LRP2: variants seen among roughly 807,000 people sequenced by gnomAD.
LRP2 encodes the protein low-density lipoprotein receptor-related protein 2.
Under a neutral mutation model 531.0 loss-of-function variants are expected in LRP2, and 172 were observed. The ratio of observed to expected loss-of-function variants is 0.32; its 90% CI spans 0.29 to 0.37. The LOEUF is 0.37. LRP2 is among the 10% of genes least tolerant of loss of function. The probability of loss-of-function intolerance (pLI) is 1.00; values close to 1 mark genes in which losing one functional copy is unlikely to be tolerated. For missense variants in LRP2, 5,167 were observed against 5,868.3 expected, an observed-to-expected ratio of 0.88 and a Z score of 3.90; for synonymous variants, 1,992 against 2,027.6, an observed-to-expected ratio of 0.98 and a Z score of 0.47.
Position 169,152,923 on chromosome 2 carries a change from C to A in LRP2, c.12337G>T (p.Gly4113Cys). 1 of 1,614,010 alleles carries A rather than the reference C, an allele frequency of 6.2e-7. No homozygotes were observed. The highest frequency in any genetic ancestry group is 8.5e-7 in the Non-Finnish European group (1 of 1,179,948). ...GGGATGTAGGCACGTTTGATAGCAC[C>A]AAACCTAGAGCCCTCCCCTCGCACA... Reference protein sequence around the residue: ...YTVRGEGSRFGAIKRAYIPNF... With the variant: ...YTVRGEGSRFCAIKRAYIPNF... Residue 4113 changes from glycine to cysteine, a missense_variant, in exon 67 of 79, where the codon GGT (glycine) becomes TGT (cysteine). Transcript: ENST00000649046.
Position 169,236,056 on chromosome 2 carries a change from C to G in LRP2, c.4704G>C (p.Leu1568=), listed in dbSNP as rs754389964. The G allele has an allele frequency of 3.1e-6, 5 of 1,613,470 alleles. No homozygotes were observed. In the African/African-American group the frequency reaches 4.0e-5, roughly 13 times the overall value. Residue 1568 remains leucine (L), a synonymous_variant, in exon 29 of 79, where the codon CTG becomes CTC. Coordinates refer to ENST00000649046, the MANE Select transcript of LRP2 (RefSeq NM_004525.3). The part of the protein sequence containing the change: ...ALDPRMNEHL[L]FWSDWGHHPR... ...GGTGGTGGCCCCAGTCAGACCAGAA[C>G]AGTAGATGCTCACTGGGAAAGGAAA...
At chr2:169,176,694 A>C in intron 53 of LRP2, 106 bp from the exon 54 acceptor site, 1 of 952,766 alleles carries the variant, frequency 1.0e-6, no homozygotes, top group Non-Finnish European at 1.7e-6. Flanking sequence ...TCTTAGTAAA[A>C]AAAAAACTAT....
Position 169,173,113 on chromosome 2 carries a change from C to T in LRP2, c.11126G>A (p.Ser3709Asn), listed in dbSNP as rs1314969154. 1.9e-6 allele frequency: 3 copies of T among 1,613,984 alleles called. No individual in the cohort carries two copies. In the African/African-American group the frequency reaches 4.0e-5, roughly 22 times the overall value. ...CNGVDDCRDN[S>N]DEQGCEERTC... ...CCTCCTACCACAGCCTTGCTCATCA[C>T]TGTTGTCCCTGCAGTCATCTACACC... The change falls in exon 57 of 79, where the codon AGT (serine) becomes AAT (asparagine). Residue 3709 changes from serine to asparagine, a missense_variant. Around this residue, in one of 6 missense-constraint regions of LRP2, gnomAD observed 311 missense variants for 309.4 expected, o/e 1.01. Transcript: ENST00000649046.
At position 169,185,698 on chromosome 2, in the gene LRP2, T is replaced by C. The variant is rs143150497; in HGVS notation, c.9650A>G (p.Tyr3217Cys). The C allele has an allele frequency of 1.2e-3, 1,885 of 1,614,026 alleles. 1 individual carries two copies. The highest frequency in any genetic ancestry group is 1.5e-3 in the Non-Finnish European group (1,787 of 1,179,986). Residue 3217 changes from tyrosine to cysteine, a missense_variant, in exon 50 of 79, where the codon TAT (tyrosine) becomes TGT (cysteine). By Grantham distance (194) the Tyr-to-Cys change is radical (BLOSUM62 -2). Around this residue, in one of 6 missense-constraint regions of LRP2, gnomAD observed 1,129 missense variants for 1,362.7 expected, o/e 0.83. Coordinates refer to ENST00000649046, the MANE Select transcript of LRP2 (RefSeq NM_004525.3). The part of the protein sequence containing the change: ...YYLRNLTIDG[Y>C]FYSLILEGLD... The stretch of plus-strand genomic sequence containing the variant: ...TCCTTCCAAGATGAGGGAGTAAAAA[T>C]AGCCATCTATAGTTAAATTTCTCAA...
At position 169,168,018 on chromosome 2, in the gene LRP2, AATATATATATAT is replaced by A. The variant is rs4001548; in HGVS notation, c.11635+509_11635+520del. ...AGACTCACAAACAAGCAGGGTTTAA[AATATATATATAT>A]ATATATATATATATATGCATCATTC... On this transcript the variant is annotated intron_variant, in intron 61 of 78. Coordinates refer to ENST00000649046, the MANE Select transcript of LRP2 (RefSeq NM_004525.3). Among the ~76,000 whole-genome samples the A allele has an allele frequency of 4.3e-4, 29 of 68,180 alleles. 2 individuals are homozygous for A. The highest frequency in any genetic ancestry group is 2.6e-3 in the Admixed American group (13 of 5,058). 44.7% of individuals were successfully genotyped at this position (68,180 alleles called of 152,430 possible). A position where few individuals can be genotyped will look rare whatever the true frequency, so the allele number is the denominator to read the frequency against.
In LRP2 at chr2:169,231,820, G is replaced by A; in HGVS notation, c.5121C>T (p.Ser1707=). The A allele has an allele frequency of 1.2e-6, 2 of 1,613,976 alleles. No individual in the cohort carries two copies. Among genetic ancestry groups the A allele is most frequent in the South Asian group, 1.1e-5 (1 of 91,066 alleles). Residue 1707 remains serine, a synonymous_variant, in exon 31 of 79, where the codon TCC becomes TCT. Transcript: ENST00000649046. ...QPNSVNPCAF[S]RCSHLCLLSS... ...AAAGCAGGCAGAGATGGCTGCAGCG[G>A]GAAAAGGCACATGGATTCACGGCTG...
intron 63 of LRP2, among the ~76,000 whole-genome samples, chr2:169,157,850 T>C (rs1486661576): frequency 6.6e-6 from 1 of 150,964 alleles, no homozygotes; most frequent in Non-Finnish European, 1.5e-5. Flanking sequence ...TTTAATCCTA[T>C]TGCAAATAGA....
chr2:169,172,987 A>G, intron 57 of LRP2, 109 bp downstream of exon 57: 1 of 1,456,184 alleles, frequency 6.9e-7, no homozygotes, highest in Non-Finnish European at 9.6e-7. Flanking sequence ...ACAGAGGTAA[A>G]CAAAGAAAAG....
Position 169,128,729 on chromosome 2 carries a change from G to C in LRP2, c.13902C>G (p.Thr4634=), listed in dbSNP as rs112043518. 2.8e-4 allele frequency: 456 copies of C among 1,614,112 alleles called. 3 individuals are homozygous for C. In the African/African-American group the frequency reaches 5.2e-3, roughly 18 times the overall value. ...TAAAAGTGTCTTCTGTTGCAGAATAGGTTGGAGTTGGGTCTCTTCTCGAAG... is the reference window on the plus strand; with the variant it reads ...TAAAAGTGTCTTCTGTTGCAGAATACGTTGGAGTTGGGTCTCTTCTCGAAG... The part of the protein sequence containing the change: ...KPPSRRDPTP[T]YSATEDTFKD... Residue 4634 remains threonine (T), a synonymous_variant, in exon 79 of 79, where the codon ACC becomes ACG. Coordinates refer to ENST00000649046, the MANE Select transcript of LRP2 (RefSeq NM_004525.3).
At chr2:169,152,119 A>T (rs929357344) in intron 67 of LRP2, among the ~76,000 whole-genome samples, 4 of 152,160 alleles carry the variant, frequency 2.6e-5, no homozygotes, top group Non-Finnish European at 5.9e-5. Context: ...ACTTCTCCAC[A>T]TCCATTTGTA....
intron 72 of LRP2, among the ~76,000 whole-genome samples, 183 bp downstream of exon 72, chr2:169,140,272 T>G (rs1358954031): frequency 2.0e-5 from 3 of 152,220 alleles, no homozygotes; most frequent in African/African-American, 7.2e-5. Context: ...CTTATGCACA[T>G]TCTAGTTAAA....
At position 169,220,507 on chromosome 2, in the gene LRP2, C is replaced by T. The variant is rs756054320; in HGVS notation, c.5595G>A (p.Gly1865=). ...TTGGAAAGCCAACTCCAAGAGCTGT[C>T]CCATCATTGGCAATCAATGTTTTTC... ...RYRKTLIAND[G]TALGVGFPIG... Residue 1865 remains glycine, a synonymous_variant, in exon 34 of 79, where the codon GGG becomes GGA. Coordinates refer to ENST00000649046, the MANE Select transcript of LRP2 (RefSeq NM_004525.3). 6.2e-7 allele frequency: 1 copy of T among 1,613,586 alleles called. No individual in the cohort carries two copies.
Position 169,207,046 on chromosome 2 carries a change from C to G in LRP2, c.6674G>C (p.Arg2225Pro). The G allele has an allele frequency of 1.9e-6, 3 of 1,614,154 alleles. No homozygotes were observed. In the South Asian group the frequency reaches 3.3e-5, roughly 18 times the overall value. ...IERSFLDCTN[R>P]TVLVSEGIVT... ...AATGCCCTCTGACACAAGCACTGTTCGATTGGTACAGTCAAGGAAAGAACG... is the reference window on the plus strand; with the variant it reads ...AATGCCCTCTGACACAAGCACTGTTGGATTGGTACAGTCAAGGAAAGAACG... Residue 2225 changes from arginine to proline, a missense_variant, in exon 39 of 79, where the codon CGA becomes CCA. Physicochemically the swap from Arg to Pro is moderately radical, Grantham distance 103. Coordinates refer to ENST00000649046, the MANE Select transcript of LRP2 (RefSeq NM_004525.3).
At position 169,170,526 on chromosome 2, in the gene LRP2, G is replaced by C. The variant is rs1404251446; in HGVS notation, c.11380+25C>G. The C allele has an allele frequency of 2.2e-5, 34 of 1,574,586 alleles. No homozygotes were observed. The East Asian group carries it at 7.2e-4, about 33-fold the overall frequency. ...ACACTGTCACAGTACAAAATTCTAT[G>C]GTAAGCTTCTCAAATGACAGTTACC... is the stretch of plus-strand genomic sequence containing the variant. On this transcript the variant is annotated intron_variant, in intron 59 of 78. Coordinates refer to ENST00000649046, the MANE Select transcript of LRP2 (RefSeq NM_004525.3).
intron 41 of LRP2, 57 bp downstream of exon 41, chr2:169,205,422 T>C: frequency 6.3e-7 from 1 of 1,588,238 alleles, no homozygotes; most frequent in Non-Finnish European, 8.6e-7. Context: ...CCCTCTTCTT[T>C]GGAAATGGAA....
chr2:169,173,208 G>A lies in LRP2; in HGVS notation c.11031C>T (p.Leu3677=). The part of the protein sequence containing the change: ...PIEECMSSAH[L]CDNFTEFSCK... ...AGCTGAATTCTGTGAAGTTGTCACAGAGATGGGCAGAGCTCACTGAAAAGG... is the reference window on the plus strand; with the variant it reads ...AGCTGAATTCTGTGAAGTTGTCACAAAGATGGGCAGAGCTCACTGAAAAGG... The change falls in exon 57 of 79, where the codon CTC becomes CTT. Residue 3677 remains leucine (L), a synonymous_variant. Transcript: ENST00000649046. 6.2e-7 allele frequency: 1 copy of A among 1,614,192 alleles called. No individual in the cohort carries two copies. The highest frequency in any genetic ancestry group is 8.5e-7 in the Non-Finnish European group (1 of 1,180,038).
chr2:169,235,368 T>C (rs1689567531), intron 29 of LRP2, among the ~76,000 whole-genome samples: 1 of 152,010 alleles, frequency 6.6e-6, no homozygotes, highest in South Asian at 2.1e-4. Flanking sequence ...GCTTCCCGAA[T>C]AGCTGAGACT....
rs1055222581 is a variant in LRP2, at chr2:169,137,389, C to T, written c.13620+3G>A. The T allele has an allele frequency of 1.2e-6, 2 of 1,602,602 alleles. No homozygotes were observed. Among genetic ancestry groups the T allele is most frequent in the Non-Finnish European group, 1.7e-6 (2 of 1,169,524 alleles). On this transcript the variant is annotated splice_donor_region_variant and intron_variant, in intron 76 of 78. Transcript: ENST00000649046. ...TGAAAGAAAAGACTGTATGGTTTCT[C>T]ACCTGGATTGGCTGAACCACTTTGA...
intron 1 of LRP2, among the ~76,000 whole-genome samples, chr2:169,323,240 CATTT>C (rs1186774985): frequency 6.6e-6 from 1 of 152,120 alleles, no homozygotes; most frequent in African/African-American, 2.4e-5. Context: ...ATCTATAATT[CATTT>C]GTCAAATTCA....
Sources: allele counts gnomAD v4.1 joint callset (sites outside exome capture counted in the v4.1 genomes callset), GRCh38; gene constraint gnomAD v4.1.1; regional missense constraint gnomAD v4.1.1; transcripts MANE v1.5; gene names NCBI Gene and HGNC (gene_info 2026-07-23, HGNC 2026-07-21).